PRKCE: variants seen among roughly 807,000 people sequenced by gnomAD.
PRKCE encodes protein kinase C epsilon type.
PRKCE carries 16 observed loss-of-function variants against 85.4 expected under a neutral mutation model. That is an observed-to-expected ratio of 0.19 (90% CI 0.13 to 0.28). The LOEUF is 0.28. Among genes scored for constraint, PRKCE ranks in the 10% least tolerant of loss-of-function variants. PRKCE has a pLI of 1.00. For synonymous variants in PRKCE, 388 were observed against 371.5 expected (o/e 1.04, Z -0.51); for missense variants, 573 against 975.2 (o/e 0.59, Z 5.49).
At chr2:45,871,291 C>T (rs1199938738) in intron 2 of PRKCE, among the ~76,000 whole-genome samples, 12 of 152,172 alleles carry the variant, frequency 7.9e-5, no homozygotes, top group South Asian at 2.1e-4. Flanking sequence ...TGAAAACAAA[C>T]GGAAGGTCAT....
At chr2:45,883,459 G>T (rs1695028100) in intron 2 of PRKCE, among the ~76,000 whole-genome samples, 1 of 152,212 alleles carries the variant, frequency 6.6e-6, no homozygotes. Context: ...GAGTCTGGAA[G>T]GCTCCTAGAG....
At chr2:46,023,688 G>A (rs1706871937) in intron 10 of PRKCE, among the ~76,000 whole-genome samples, 2 of 152,168 alleles carry the variant, frequency 1.3e-5, no homozygotes, top group Admixed American at 6.5e-5. Flanking sequence ...GTCACAAATT[G>A]GGGCTGGCTT....
chr2:45,830,418 G>C (rs1690326368), intron 1 of PRKCE, among the ~76,000 whole-genome samples: 1 of 151,920 alleles, frequency 6.6e-6, no homozygotes, highest in Non-Finnish European at 1.5e-5. Context: ...AAATTTCAGA[G>C]GAAGAATTAT....
At chr2:45,727,350 G>T (rs71422174) in intron 1 of PRKCE, among the ~76,000 whole-genome samples, 3 of 152,096 alleles carry the variant, frequency 2.0e-5, no homozygotes, top group Admixed American at 2.0e-4. Context: ...AAGCAATGGC[G>T]GAATGTTGTG....
rs571454072 is a variant in PRKCE, at chr2:46,135,744, T to C, written c.1593-9349T>C. On this transcript the variant is annotated intron_variant, in intron 11 of 14. Transcript: ENST00000306156. ...TTACCTTGGGTTCAGAAACAAATTATGCTTTTTTTTTTTTTTTTTTTTTTT... is the reference window on the plus strand; with the variant it reads ...TTACCTTGGGTTCAGAAACAAATTACGCTTTTTTTTTTTTTTTTTTTTTTT... 5.5e-5 allele frequency among the ~76,000 whole-genome samples: 7 copies of C among 127,644 alleles called. No individual in the cohort carries two copies. The South Asian group carries it at 1.7e-3, about 31-fold the overall frequency. The allele number at this position is 127,644 out of a possible 152,430, so 83.7% of individuals were successfully genotyped here. A position where few individuals can be genotyped will look rare whatever the true frequency, so the allele number is the denominator to read the frequency against.
At chr2:46,090,637 A>G (rs1012095774) in intron 11 of PRKCE, among the ~76,000 whole-genome samples, 10 of 152,138 alleles carry the variant, frequency 6.6e-5, no homozygotes, top group African/African-American at 1.9e-4. Flanking sequence ...AGTATACAAG[A>G]TATTTTTTTC....
intron 11 of PRKCE, among the ~76,000 whole-genome samples, chr2:46,109,035 A>G (rs1468532794): frequency 6.6e-6 from 1 of 151,780 alleles, no homozygotes; most frequent in Non-Finnish European, 1.5e-5. Context: ...GAGGCTTTCT[A>G]TTCTGTTTCA....
chr2:45,950,396 ACTT>A (rs1488746962), intron 2 of PRKCE, among the ~76,000 whole-genome samples: 1 of 152,198 alleles, frequency 6.6e-6, no homozygotes, highest in Non-Finnish European at 1.5e-5. Flanking sequence ...TTTTATTCCC[ACTT>A]CTTCTTATGA....
At chr2:45,934,896 A>T (rs1345399466) in intron 2 of PRKCE, among the ~76,000 whole-genome samples, 1 of 151,148 alleles carries the variant, frequency 6.6e-6, no homozygotes. Flanking sequence ...CTACAAAAAA[A>T]AAAAAAAAAT....
At chr2:45,906,011 C>T (rs1696945924) in intron 2 of PRKCE, among the ~76,000 whole-genome samples, 1 of 152,198 alleles carries the variant, frequency 6.6e-6, no homozygotes, top group East Asian at 1.9e-4. Flanking sequence ...CCACATGACC[C>T]GGGTATGGAG....
At chr2:46,058,690 AATTG>A (rs901352178) in intron 10 of PRKCE, among the ~76,000 whole-genome samples, 4 of 152,012 alleles carry the variant, frequency 2.6e-5, no homozygotes, top group African/African-American at 7.3e-5. Flanking sequence ...ACTCACATTG[AATTG>A]ATTGATTGAT....
At chr2:46,154,478 C>T (rs1358273163) in intron 13 of PRKCE, among the ~76,000 whole-genome samples, 3 of 144,490 alleles carry the variant, frequency 2.1e-5, no homozygotes, top group Admixed American at 6.9e-5. Context: ...CCCCCCCGCC[C>T]GCCGCCGCAT....
chr2:46,000,569 G>A (rs1558941593), intron 6 of PRKCE, among the ~76,000 whole-genome samples: 1 of 151,628 alleles, frequency 6.6e-6, no homozygotes, highest in African/African-American at 2.4e-5. Context: ...CTCTCCCCAC[G>A]TTCCCCACCC....
intron 10 of PRKCE, among the ~76,000 whole-genome samples, chr2:46,013,295 A>T (rs1343079918): frequency 6.6e-6 from 1 of 152,196 alleles, no homozygotes; most frequent in Non-Finnish European, 1.5e-5. Flanking sequence ...GGGGTTATTA[A>T]CCAAAGGAAG....
chr2:45,962,880 T>G (rs1479691797), intron 2 of PRKCE, among the ~76,000 whole-genome samples: 1 of 152,182 alleles, frequency 6.6e-6, no homozygotes, highest in Non-Finnish European at 1.5e-5. Flanking sequence ...AAAGCATTAT[T>G]GCTTTTGACC....
At chr2:45,860,097 C>T (rs918224092) in intron 2 of PRKCE, among the ~76,000 whole-genome samples, 1 of 151,300 alleles carries the variant, frequency 6.6e-6, no homozygotes, top group Non-Finnish European at 1.5e-5. Context: ...ATCCGTTTGC[C>T]CCTCTAGAAT....
At chr2:46,010,711 G>T in intron 10 of PRKCE, 194 bp downstream of exon 10, 2 of 1,598,460 alleles carry the variant, frequency 1.3e-6, no homozygotes, top group Admixed American at 1.7e-5. Flanking sequence ...TCAAGGTTGT[G>T]CTTGTGAAGG....
Position 46,184,933 on chromosome 2 carries a change from G to T in PRKCE, c.*52G>T. ...ATGCTGCAAGAAGGGGTGCAGAGAA[G>T]ACTCCTGTGTTGGAGACACTCAGCA... On this transcript the variant is annotated 3_prime_UTR_variant, in exon 15 of 15. Transcript: ENST00000306156. The surrounding 1 kb of genome is among the most constrained non-coding windows in gnomAD (Gnocchi z 5.0). The T allele has an allele frequency of 6.3e-7, 1 of 1,594,486 alleles. No individual in the cohort carries two copies. The highest frequency in any genetic ancestry group is 1.1e-5 in the South Asian group (1 of 90,440).
rs995485519 is a variant in PRKCE, at chr2:45,652,355, C to T, written c.255C>T (p.His85=). The change falls in exon 1 of 15, where the codon CAC becomes CAT. Residue 85 remains histidine (H), a synonymous_variant. Coordinates refer to ENST00000306156, the MANE Select transcript of PRKCE (RefSeq NM_005400.3). This position sits in a 1 kb window ranked among gnomAD's most constrained non-coding sequence, Gnocchi z 7.7. The stretch of plus-strand genomic sequence containing the variant: ...GCAAGATCGAGCTGGCTGTCTTTCA[C>T]GATGCCCCCATAGGCTACGACGACT... ...NGRKIELAVF[H]DAPIGYDDFV... The T allele has an allele frequency of 3.1e-6, 5 of 1,613,580 alleles. No individual in the cohort carries two copies. The highest frequency in any genetic ancestry group is 3.3e-5 in the Admixed American group (2 of 60,004).
Sources: allele counts gnomAD v4.1 joint callset (sites outside exome capture counted in the v4.1 genomes callset), GRCh38; gene constraint gnomAD v4.1.1; non-coding constraint Gnocchi (gnomAD v3.1); transcripts MANE v1.5; gene names NCBI Gene and HGNC (gene_info 2026-07-23, HGNC 2026-07-21).